Variants in INTS4 observed in about 807,000 individuals in gnomAD.
The protein encoded by INTS4 is integrator complex subunit 4, also known as MSTP093.
In INTS4, 70 loss-of-function variants were observed where a neutral mutation model predicts 119.5. The ratio of observed to expected loss-of-function variants is 0.59; its 90% CI spans 0.48 to 0.71. INTS4 has a LOEUF of 0.71. Among genes scored for constraint, INTS4 ranks in the 30% least tolerant of loss-of-function variants. The pLI is 0.00. For missense variants in INTS4, 867 were observed against 1,173.2 expected (o/e 0.74, Z 3.81); for synonymous variants, 316 against 419.6 (o/e 0.75, Z 3.02).
chr11:77,920,229 A>ACATATATATACACATATACT, intron 14 of INTS4, among the ~76,000 whole-genome samples: 1 of 32,964 alleles, frequency 3.0e-5, no homozygotes, highest in Admixed American at 2.8e-4. Flanking sequence ...ACACATATAC[A>ACATATATATACACATATACT]TACATATATA....
intron 18 of INTS4, among the ~76,000 whole-genome samples, chr11:77,894,951 T>C (rs568767896): frequency 2.4e-4 from 36 of 152,368 alleles, no homozygotes; most frequent in African/African-American, 7.5e-4. Flanking sequence ...TATAGCCTAC[T>C]AATGTAGTTG....
At chr11:77,900,479 T>C in intron 18 of INTS4, 1 of 567,178 alleles carries the variant, frequency 1.8e-6, no homozygotes, top group South Asian at 2.4e-5. Context: ...TAAAATATTT[T>C]ATTTTTCAGG....
intron 15 of INTS4, among the ~76,000 whole-genome samples, chr11:77,911,903 C>T (rs189607617): frequency 6.6e-6 from 1 of 152,286 alleles, no homozygotes; most frequent in African/African-American, 2.4e-5. Flanking sequence ...TGCCTAAGGT[C>T]ACAGAATAAA....
downstream of INTS4, among the ~76,000 whole-genome samples, chr11:77,874,441 T>A (rs1951544245): frequency 6.6e-6 from 1 of 151,834 alleles, no homozygotes. Flanking sequence ...AGTGTGGGTG[T>A]AATCATTCTT....
intron 10 of INTS4, among the ~76,000 whole-genome samples, chr11:77,929,577 C>G (rs1953595569): frequency 6.6e-6 from 1 of 152,124 alleles, no homozygotes; most frequent in Admixed American, 6.6e-5. Context: ...AGGTAAGATT[C>G]AGCAATGTGG....
At chr11:77,896,805 G>C (rs1276131481) in intron 18 of INTS4, among the ~76,000 whole-genome samples, 2 of 150,380 alleles carry the variant, frequency 1.3e-5, no homozygotes, top group Non-Finnish European at 3.0e-5. Context: ...AGAAATAATG[G>C]AGGAAAAAAA....
chr11:77,950,879 C>A (rs1426313411), intron 8 of INTS4, among the ~76,000 whole-genome samples: 4 of 120,070 alleles, frequency 3.3e-5, no homozygotes, highest in Non-Finnish European at 6.8e-5. Flanking sequence ...CCCCTCCCCC[C>A]ACCCCACAAC....
rs972700349 is a variant in INTS4 at position 77,903,461 on chromosome 11, G to A, written c.2097+79C>T. On this transcript the variant is annotated intron_variant, in intron 17 of 22. Coordinates refer to ENST00000534064, the MANE Select transcript of INTS4 (RefSeq NM_033547.4). ...CAAGGCCTACACAGACAGAGCTATA[G>A]GAAGGCCTCTGGCTCTGTCTTGGAC... The A allele has an allele frequency of 9.3e-5, 149 of 1,606,456 alleles. 2 individuals carry two copies. Among genetic ancestry groups the A allele is most frequent in the Middle Eastern group, 8.4e-4 (5 of 5,922 alleles).
intron 2 of INTS4, among the ~76,000 whole-genome samples, chr11:77,986,713 CCTT>C (rs1856470362): frequency 1.3e-5 from 2 of 152,242 alleles, no homozygotes; most frequent in South Asian, 4.1e-4. Context: ...TGAAAACCAT[CCTT>C]CTCAGCAAAC....
chr11:77,982,606 A>G (rs1480189772), intron 2 of INTS4, among the ~76,000 whole-genome samples: 2 of 152,150 alleles, frequency 1.3e-5, no homozygotes, highest in East Asian at 3.9e-4. Flanking sequence ...ATGGGCACCA[A>G]AATTCCTGTG....
chr11:77,953,876 A>G (rs144715995), intron 8 of INTS4, among the ~76,000 whole-genome samples: 2,484 of 118,500 alleles, frequency 0.021, no homozygotes, highest in East Asian at 0.033. Context: ...GAGCCACTGC[A>G]CCTCTGCCTC....
At chr11:77,921,292 C>T in intron 14 of INTS4, 48 bp downstream of exon 14, 3 of 1,598,374 alleles carry the variant, frequency 1.9e-6, no homozygotes, top group Non-Finnish European at 2.6e-6. Flanking sequence ...AAAAATAACC[C>T]TACCCCATGC....
chr11:77,901,034 A>G lies in INTS4; in HGVS notation c.2228+387T>C, dbSNP rs776258077. Among the ~76,000 whole-genome samples the G allele has an allele frequency of 5.0e-4, 76 of 152,300 alleles. No individual in the cohort carries two copies. In the Middle Eastern group the frequency reaches 0.02, roughly 41 times the overall value. On this transcript the variant is annotated intron_variant, in intron 18 of 22. Coordinates refer to ENST00000534064, the MANE Select transcript of INTS4 (RefSeq NM_033547.4). ...TCTGACTTCCCAGTACATCCTCTTA[A>G]TTTATCCTTATTGCCTGAGAAAAAG...
In INTS4 at chr11:77,985,502, T is replaced by C. The variant is rs185905461; in HGVS notation, c.247-3926A>G. ...TTTCTCAAGCATCGCTACCACTCTA[T>C]AATGCATTTCTGGATCCCTGCTTCC... is the stretch of plus-strand genomic sequence containing the variant. On this transcript the variant is annotated intron_variant, in intron 2 of 22. Transcript: ENST00000534064. Among the ~76,000 whole-genome samples, 197 of 152,306 alleles carry C rather than the reference T, an allele frequency of 1.3e-3. 1 individual carries two copies. Among genetic ancestry groups the C allele is most frequent in the African/African-American group, 4.6e-3 (190 of 41,568 alleles).
chr11:77,970,279 G>T (rs1311844868), intron 4 of INTS4, among the ~76,000 whole-genome samples: 1 of 152,072 alleles, frequency 6.6e-6, no homozygotes, highest in Non-Finnish European at 1.5e-5. Flanking sequence ...GGCACCTGCA[G>T]TCCCAGCTAC....
At chr11:77,910,272 G>A (rs1196438227) in intron 15 of INTS4, among the ~76,000 whole-genome samples, 1 of 151,712 alleles carries the variant, frequency 6.6e-6, no homozygotes, top group Non-Finnish European at 1.5e-5. Flanking sequence ...CATAAAAAAT[G>A]ATGAGTTCAT....
At chr11:77,931,276 A>C (rs541626755) in intron 10 of INTS4, among the ~76,000 whole-genome samples, 2 of 152,376 alleles carry the variant, frequency 1.3e-5, no homozygotes, top group African/African-American at 4.8e-5. Context: ...TGGATAAATT[A>C]GAAGACTAGA....
At chr11:77,985,478 T>G (rs1473121033) in intron 2 of INTS4, among the ~76,000 whole-genome samples, 1 of 152,214 alleles carries the variant, frequency 6.6e-6, no homozygotes, top group Non-Finnish European at 1.5e-5. Context: ...TCTAGGACTT[T>G]TCTCAAGCAT....
In INTS4 at chr11:77,924,801, T is replaced by C. The variant is rs1355302275; in HGVS notation, c.1463A>G (p.Glu488Gly). ...TKEGIHLALV[E>G]LLKNLTKYPT... Reference sequence around the variant, plus strand: ...GTACTTGGTTAAATTTTTCAGCAGCTCCACCAATGCAAGATGAATCCCTTC... The same window carrying C: ...GTACTTGGTTAAATTTTTCAGCAGCCCCACCAATGCAAGATGAATCCCTTC... Residue 488 changes from glutamate (E) to glycine (G), a missense_variant, in exon 12 of 23, where the codon GAG becomes GGG. Around this residue, in one of 5 missense-constraint regions of INTS4, gnomAD observed 51 missense variants for 125.5 expected, o/e 0.41. Transcript: ENST00000534064. 1.2e-6 allele frequency: 2 copies of C among 1,601,816 alleles called. No homozygotes were observed. The highest frequency in any genetic ancestry group is 1.7e-6 in the Non-Finnish European group (2 of 1,168,956).
Sources: gnomAD v4.1 joint callset for allele counts (sites outside exome capture counted in the v4.1 genomes callset) on GRCh38, gnomAD v4.1.1 for gene constraint, gnomAD v4.1.1 regional missense constraint, MANE v1.5 for transcripts, NCBI Gene and HGNC (gene_info 2026-07-23, HGNC 2026-07-21) for gene names.